Variants in DMXL2 observed in about 807,000 individuals in gnomAD.
DMXL2 encodes the protein dmX-like protein 2.
DMXL2 carries 103 observed loss-of-function variants against 331.1 expected under a neutral mutation model. The observed-to-expected ratio is 0.31, with a 90% CI of 0.27 to 0.37. DMXL2 has a LOEUF of 0.37. Among genes scored for constraint, DMXL2 ranks in the 10% least tolerant of loss-of-function variants. DMXL2 has a pLI of 1.00. For synonymous variants in DMXL2, 1,281 were observed against 1,252.1 expected (o/e 1.02, Z -0.49); for missense variants, 3,171 against 3,642.9 (o/e 0.87, Z 3.33).
intron 2 of DMXL2, among the ~76,000 whole-genome samples, chr15:51,572,339 T>C (rs7174655): frequency 0.47 from 68,304 of 145,330 alleles, 16,568 homozygotes; most frequent in Non-Finnish European, 0.51. Context: ...GATTCACAGC[T>C]GAATTCTACC....
intron 1 of DMXL2, among the ~76,000 whole-genome samples, chr15:51,593,455 CAAT>C (rs1259408465): frequency 5.3e-5 from 8 of 152,250 alleles, no homozygotes; most frequent in Admixed American, 5.2e-4. Flanking sequence ...GACTCCCACA[CAAT>C]AATAATGGGA....
intron 6 of DMXL2, among the ~76,000 whole-genome samples, chr15:51,548,748 GTAAC>G (rs2049030865): frequency 6.6e-6 from 1 of 151,902 alleles, no homozygotes; most frequent in Admixed American, 6.6e-5. Context: ...ACAAAATTAA[GTAAC>G]TAGTAACAGA....
At chr15:51,543,401 T>G (rs1022067864) in intron 8 of DMXL2, among the ~76,000 whole-genome samples, 1 of 152,208 alleles carries the variant, frequency 6.6e-6, no homozygotes, top group Non-Finnish European at 1.5e-5. Flanking sequence ...ATTTTGCATA[T>G]GGAAAACAGT....
intron 2 of DMXL2, among the ~76,000 whole-genome samples, chr15:51,574,094 G>A (rs1679816896): frequency 6.6e-6 from 1 of 152,006 alleles, no homozygotes. Flanking sequence ...CTAGAGGAAG[G>A]AATACAAAAA....
At chr15:51,591,204 G>A (rs1345326160) in intron 1 of DMXL2, among the ~76,000 whole-genome samples, 6 of 152,194 alleles carry the variant, frequency 3.9e-5, no homozygotes, top group South Asian at 4.1e-4. Context: ...GGTGACAGAC[G>A]GCACCTGGAA....
chr15:51,509,687 TC>T lies in DMXL2; in HGVS notation c.2645-2435del, dbSNP rs564120901. Reference sequence around the variant, plus strand: ...TTCCAATCAATAGAAAAAGAGGGACTCCTCCCTAACTCATTTTATGAGGCCA... The same window carrying T: ...TTCCAATCAATAGAAAAAGAGGGACTCTCCCTAACTCATTTTATGAGGCCA... On this transcript the variant is annotated intron_variant, in intron 15 of 43. Coordinates refer to ENST00000560891, the MANE Select transcript of DMXL2 (RefSeq NM_001378457.1). 5.3e-5 allele frequency among the ~76,000 whole-genome samples: 8 copies of T among 152,228 alleles called. No homozygotes were observed. The East Asian group carries it at 1.5e-3, about 29-fold the overall frequency.
intron 1 of DMXL2, among the ~76,000 whole-genome samples, chr15:51,596,117 A>G (rs2052782389): frequency 6.6e-6 from 1 of 152,202 alleles, no homozygotes; most frequent in South Asian, 2.1e-4. Flanking sequence ...AGAAACTACC[A>G]TCAGAGTGAA....
intron 1 of DMXL2, among the ~76,000 whole-genome samples, chr15:51,610,574 C>T (rs1567183874): frequency 6.6e-6 from 1 of 152,152 alleles, no homozygotes; most frequent in African/African-American, 2.4e-5. Context: ...CGAGACCATC[C>T]TGGCTAACAT....
At chr15:51,544,215 G>A (rs988867438) in intron 8 of DMXL2, among the ~76,000 whole-genome samples, 3 of 152,168 alleles carry the variant, frequency 2.0e-5, no homozygotes, top group African/African-American at 7.2e-5. Context: ...CCTGGTGGGA[G>A]CTGTTTGGGT....
Position 51,459,661 on chromosome 15 carries a change from CTAAA to C in DMXL2, c.7927-5_7927-2del, listed in dbSNP as rs1217661952. ...CCTGCTCCACATGTTCTTCTATAGA[CTAAA>C]TACCACCACACCGTCACAAACACAA... On this transcript the variant is annotated splice_acceptor_variant and splice_polypyrimidine_tract_variant and intron_variant, in intron 33 of 43. Transcript: ENST00000560891. LOFTEE classifies it high-confidence loss of function. The C allele has an allele frequency of 7.8e-7, 1 of 1,289,678 alleles. No homozygotes were observed. Among genetic ancestry groups the C allele is most frequent in the African/African-American group, 1.5e-5 (1 of 65,962 alleles). 79.9% of individuals were successfully genotyped at this position (1,289,678 alleles called of 1,614,324 possible). A position where few individuals can be genotyped will look rare whatever the true frequency, so the allele number is the denominator to read the frequency against.
chr15:51,575,114 C>T (rs937545133), intron 2 of DMXL2, among the ~76,000 whole-genome samples: 4 of 152,038 alleles, frequency 2.6e-5, no homozygotes, highest in African/African-American at 7.2e-5. Flanking sequence ...AATACTAGGT[C>T]AAATGTATCA....
At chr15:51,563,746 C>T (rs905063146) in intron 5 of DMXL2, among the ~76,000 whole-genome samples, 4 of 152,032 alleles carry the variant, frequency 2.6e-5, no homozygotes, top group Non-Finnish European at 4.4e-5. Context: ...TTATCATCAT[C>T]CCTGACTAGT....
chr15:51,505,241 T>C (rs2043976412), intron 16 of DMXL2, among the ~76,000 whole-genome samples: 1 of 152,226 alleles, frequency 6.6e-6, no homozygotes, highest in Non-Finnish European at 1.5e-5. Context: ...AACAAAAAGA[T>C]AGATGCTTTC....
Position 51,499,083 on chromosome 15 carries a change from T to A in DMXL2, c.4141A>T (p.Ile1381Leu), listed in dbSNP as rs2043394828. Residue 1381 changes from isoleucine to leucine, a missense_variant, in exon 18 of 44, where the codon ATA becomes TTA. By Grantham distance (5) the Ile-to-Leu change is conservative. This residue lies in a region of DMXL2 where 1,674 missense variants were observed against 1,780.2 expected (regional missense o/e 0.94). Coordinates refer to ENST00000560891, the MANE Select transcript of DMXL2 (RefSeq NM_001378457.1). ...LVKCIAGEVA[I>L]VRDPDAGEGT... ...TCTCCAGCATCAGGATCTCTAACTA[T>A]TGCTACTTCACCTGCAATACATTTT... 2 of 1,613,930 alleles carry A rather than the reference T, an allele frequency of 1.2e-6. No homozygotes were observed. Among genetic ancestry groups the A allele is most frequent in the African/African-American group, 2.7e-5 (2 of 74,934 alleles).
intron 37 of DMXL2, among the ~76,000 whole-genome samples, chr15:51,456,987 C>T (rs977394375): frequency 1.3e-5 from 2 of 152,020 alleles, no homozygotes; most frequent in African/African-American, 2.4e-5. Flanking sequence ...GCCTGGGCAG[C>T]GTGGTGAAAC....
rs1595908296 is a variant in DMXL2 at position 51,465,563 on chromosome 15, C to T, written c.7606+3G>A. ...AACATTAATTTTTAAATTCCAAACT[C>T]ACCAGAGAATTCCAGTCCAGCAATA... is the stretch of plus-strand genomic sequence containing the variant. On this transcript the variant is annotated splice_donor_region_variant and intron_variant, in intron 31 of 43. Coordinates refer to ENST00000560891, the MANE Select transcript of DMXL2 (RefSeq NM_001378457.1). 1 of 1,584,172 alleles carries T rather than the reference C, an allele frequency of 6.3e-7. No homozygotes were observed. The highest frequency in any genetic ancestry group is 1.2e-5 in the South Asian group (1 of 86,628).
chr15:51,594,407 A>G (rs1166168648), intron 1 of DMXL2, among the ~76,000 whole-genome samples: 2 of 152,360 alleles, frequency 1.3e-5, no homozygotes, highest in East Asian at 3.9e-4. Flanking sequence ...AGGCTCTGAA[A>G]TTGAGGCAAT....
At chr15:51,513,831 A>G (rs1181977274) in intron 15 of DMXL2, among the ~76,000 whole-genome samples, 1 of 152,172 alleles carries the variant, frequency 6.6e-6, no homozygotes, top group African/African-American at 2.4e-5. Context: ...TTATTTGCCA[A>G]TTTAAAAAAC....
rs527346038 is a variant in DMXL2, at chr15:51,572,629, A to G, written c.213+3427T>C. Among the ~76,000 whole-genome samples the G allele has an allele frequency of 4.6e-5, 7 of 152,328 alleles. No homozygotes were observed. In the South Asian group the frequency reaches 1.4e-3, roughly 32 times the overall value. ...ATCCCTGGGATAAGAAGCTGGTTCAACATACACAAATCAATAAATGTAATC... is the reference window on the plus strand; with the variant it reads ...ATCCCTGGGATAAGAAGCTGGTTCAGCATACACAAATCAATAAATGTAATC... On this transcript the variant is annotated intron_variant, in intron 2 of 43. Coordinates refer to ENST00000560891, the MANE Select transcript of DMXL2 (RefSeq NM_001378457.1).
Sources: allele counts gnomAD v4.1 joint callset (sites outside exome capture counted in the v4.1 genomes callset), GRCh38; gene constraint gnomAD v4.1.1; regional missense constraint gnomAD v4.1.1; transcripts MANE v1.5; gene names NCBI Gene and HGNC (gene_info 2026-07-23, HGNC 2026-07-21).